Variants in DIAPH2 observed in about 807,000 individuals in gnomAD.
DIAPH2 encodes the protein diaphanous related formin 2.
In DIAPH2, 35 loss-of-function variants were observed where a neutral mutation model predicts 92.7. The ratio of observed to expected loss-of-function variants is 0.38; its 90% CI spans 0.29 to 0.50. The LOEUF (loss-of-function observed/expected upper bound fraction) is 0.50. DIAPH2 is among the 20% of genes least tolerant of loss of function. The pLI is 0.94. For missense variants in DIAPH2, 701 were observed against 819.5 expected (o/e 0.86, Z 1.77); for synonymous variants, 301 against 280.4 (o/e 1.07, Z -0.73).
At chrX:97,375,584 T>G (rs1393953246) in intron 24 of DIAPH2, among the ~76,000 whole-genome samples, 1 of 112,496 alleles carries the variant, frequency 8.9e-6, no homozygotes, top group Admixed American at 9.4e-5. Context: ...AAAAACTTTT[T>G]GGTAAAATGA....
At chrX:96,846,461 T>G (rs2147707386) in intron 4 of DIAPH2, among the ~76,000 whole-genome samples, 1 of 112,463 alleles carries the variant, frequency 8.9e-6, no homozygotes. Context: ...TGTTATACTT[T>G]AAATATTTTT....
chrX:97,313,061 T>C (rs2068810494), intron 23 of DIAPH2, among the ~76,000 whole-genome samples: 1 of 110,408 alleles, frequency 9.1e-6, no homozygotes, highest in African/African-American at 3.3e-5. Context: ...GGCGGGTGCC[T>C]GTAGTCCCAG....
intron 26 of DIAPH2, among the ~76,000 whole-genome samples, chrX:97,494,188 C>G (rs1361842379): frequency 9.8e-6 from 1 of 102,121 alleles, no homozygotes; most frequent in East Asian, 3.2e-4. Context: ...GCATGGTGTC[C>G]CATGTCTGTA....
intron 4 of DIAPH2, among the ~76,000 whole-genome samples, chrX:96,825,465 TTA>T (rs2064809870): frequency 1.8e-5 from 2 of 109,167 alleles, no homozygotes; most frequent in South Asian, 8.1e-4. Context: ...TTGGCCCTGT[TTA>T]TATGTGTAGG....
chrX:97,547,147 C>T (rs754216138), intron 26 of DIAPH2, among the ~76,000 whole-genome samples: 24 of 111,476 alleles, frequency 2.2e-4, no homozygotes, highest in Non-Finnish European at 3.8e-4. Flanking sequence ...ACTGCGAGGA[C>T]CCCAGTCAGA....
chrX:96,809,433 A>G (rs2064657090), intron 4 of DIAPH2, among the ~76,000 whole-genome samples: 1 of 110,780 alleles, frequency 9.0e-6, no homozygotes. Context: ...AATGTTGTAT[A>G]ACAAATCTCC....
At chrX:97,254,683 A>T (rs1342878600) in intron 23 of DIAPH2, among the ~76,000 whole-genome samples, 1 of 108,991 alleles carries the variant, frequency 9.2e-6, no homozygotes, top group Non-Finnish European at 1.9e-5. Context: ...ACTATTACTA[A>T]CTTTATTTTA....
Position 97,483,722 on chromosome X carries a change from T to A in DIAPH2, c.3241+53977T>A, listed in dbSNP as rs149485774. ...TACTTATACCTACAGAGAAAGCCTGTTGTTTGGCCTCATTGAATGTGTCAT... is the reference window on the plus strand; with the variant it reads ...TACTTATACCTACAGAGAAAGCCTGATGTTTGGCCTCATTGAATGTGTCAT... On this transcript the variant is annotated intron_variant, in intron 26 of 26. Coordinates refer to ENST00000324765, the MANE Select transcript of DIAPH2 (RefSeq NM_006729.5). Among the ~76,000 whole-genome samples the A allele has an allele frequency of 4.7e-3, 525 of 111,871 alleles. 1 individual carries two copies. Among genetic ancestry groups the A allele is most frequent in the Non-Finnish European group, 8.9e-3 (472 of 53,152 alleles).
intron 26 of DIAPH2, among the ~76,000 whole-genome samples, chrX:97,561,020 G>T (rs1602669465): frequency 8.9e-6 from 1 of 111,937 alleles, no homozygotes; most frequent in South Asian, 3.8e-4. Flanking sequence ...TGAAGCATCT[G>T]GGGGGAAGGG....
At chrX:96,900,161 C>T (rs142827171) in intron 5 of DIAPH2, among the ~76,000 whole-genome samples, 2 of 111,724 alleles carry the variant, frequency 1.8e-5, no homozygotes, top group East Asian at 2.8e-4. Flanking sequence ...AGCAGTGTTT[C>T]GTAGTTTTCC....
At chrX:97,142,353 A>T (rs773445557) in intron 22 of DIAPH2, among the ~76,000 whole-genome samples, 2 of 111,569 alleles carry the variant, frequency 1.8e-5, no homozygotes, top group South Asian at 7.6e-4. Context: ...TTAGGGTTTT[A>T]CAGACATGGA....
At chrX:96,696,736 A>G (rs1379682187) in intron 1 of DIAPH2, among the ~76,000 whole-genome samples, 3 of 111,994 alleles carry the variant, frequency 2.7e-5, no homozygotes, top group African/African-American at 6.5e-5. Flanking sequence ...GCCTTCCCAG[A>G]GATGATTCTC....
intron 22 of DIAPH2, among the ~76,000 whole-genome samples, chrX:97,222,745 A>G (rs2067935714): frequency 8.9e-6 from 1 of 111,950 alleles, no homozygotes; most frequent in Non-Finnish European, 1.9e-5. Context: ...AAACTAACAC[A>G]CAATGCTAGT....
chrX:96,958,951 A>C (rs1029013293), intron 16 of DIAPH2, among the ~76,000 whole-genome samples: 4 of 111,802 alleles, frequency 3.6e-5, no homozygotes, highest in African/African-American at 9.7e-5. Context: ...ATTATGTCTC[A>C]ATACTATATT....
intron 26 of DIAPH2, among the ~76,000 whole-genome samples, chrX:97,444,671 C>T (rs1602594007): frequency 9.0e-6 from 1 of 111,474 alleles, no homozygotes; most frequent in Non-Finnish European, 1.9e-5. Context: ...TCTCAGTTGT[C>T]TATATCAGTA....
chrX:97,194,249 G>A (rs1002410650), intron 22 of DIAPH2, among the ~76,000 whole-genome samples: 5 of 109,894 alleles, frequency 4.5e-5, no homozygotes, highest in African/African-American at 1.7e-4. Context: ...ATGATTCTTA[G>A]TAAAACATCC....
At chrX:96,882,717 G>A (rs1166690112) in intron 5 of DIAPH2, among the ~76,000 whole-genome samples, 1 of 109,858 alleles carries the variant, frequency 9.1e-6, no homozygotes, top group African/African-American at 3.3e-5. Flanking sequence ...TGCACTTCAG[G>A]GGGCTGAGGC....
At chrX:97,509,693 G>A (rs1474730055) in intron 26 of DIAPH2, among the ~76,000 whole-genome samples, 26 of 102,670 alleles carry the variant, frequency 2.5e-4, no homozygotes, top group South Asian at 5.0e-4. Context: ...AGAGTGTGAT[G>A]TTCCCCTTCC....
At chrX:97,304,904 T>A (rs1765139010) in intron 23 of DIAPH2, among the ~76,000 whole-genome samples, 1 of 112,021 alleles carries the variant, frequency 8.9e-6, no homozygotes, top group Non-Finnish European at 1.9e-5. Flanking sequence ...ATAGTTATAT[T>A]TATTTTGCAT....
Sources: gnomAD v4.1 joint callset for allele counts (sites outside exome capture counted in the v4.1 genomes callset) on GRCh38, gnomAD v4.1.1 for gene constraint, MANE v1.5 for transcripts, NCBI Gene and HGNC (gene_info 2026-07-23, HGNC 2026-07-21) for gene names.